GRIA3: variants seen among roughly 807,000 people sequenced by gnomAD.
The protein encoded by GRIA3 is glutamate receptor 3.
A neutral mutation model predicts 63.0 loss-of-function variants in GRIA3; 3 were observed. The observed-to-expected ratio is 0.05, with a 90% CI of 0.02 to 0.12. GRIA3 has a LOEUF of 0.12. GRIA3 is among the 10% of genes least tolerant of loss of function. The pLI is 1.00. For missense variants in GRIA3, 347 were observed against 700.9 expected, an observed-to-expected ratio of 0.50 and a Z score of 5.70; for synonymous variants, 274 against 257.9, an observed-to-expected ratio of 1.06 and a Z score of -0.60.
chrX:123,271,400 G>A (rs1016118792), intron 3 of GRIA3, among the ~76,000 whole-genome samples: 3 of 111,875 alleles, frequency 2.7e-5, no homozygotes, highest in African/African-American at 9.7e-5. Flanking sequence ...TTACTTTACA[G>A]ATTTTAAAAA....
chrX:123,211,533 T>C (rs1254672435), intron 2 of GRIA3, among the ~76,000 whole-genome samples: 1 of 111,736 alleles, frequency 8.9e-6, no homozygotes, highest in East Asian at 2.8e-4. Context: ...GCAAGACACA[T>C]AAAAAAGTAG....
At position 123,437,524 on chromosome X, in the gene GRIA3, G is replaced by A. The variant is rs954888418; in HGVS notation, c.2076+9385G>A. 2.2e-4 allele frequency among the ~76,000 whole-genome samples: 8 copies of A among 36,068 alleles called. No homozygotes were observed. The East Asian group carries it at 2.7e-3, about 12-fold the overall frequency. 31.3% of individuals were successfully genotyped at this position (36,068 alleles called of 115,157 possible). A position where few individuals can be genotyped will look rare whatever the true frequency, so the allele number is the denominator to read the frequency against. ...AAAGTATTCCAAACAGAAGTCATGCGAAGTACAAAGTCCTGGGGCAGAAAC... is the reference window on the plus strand; with the variant it reads ...AAAGTATTCCAAACAGAAGTCATGCAAAGTACAAAGTCCTGGGGCAGAAAC... On this transcript the variant is annotated intron_variant, in intron 12 of 15. Coordinates refer to ENST00000620443, the MANE Select transcript of GRIA3 (RefSeq NM_007325.5).
At chrX:123,345,570 G>T (rs759965417) in intron 4 of GRIA3, among the ~76,000 whole-genome samples, 1 of 110,233 alleles carries the variant, frequency 9.1e-6, no homozygotes, top group African/African-American at 3.3e-5. Context: ...AGAGGATGGC[G>T]CAGGGGAAGG....
At chrX:123,305,109 C>T (rs2044746801) in intron 3 of GRIA3, among the ~76,000 whole-genome samples, 1 of 111,913 alleles carries the variant, frequency 8.9e-6, no homozygotes, top group African/African-American at 3.2e-5. Flanking sequence ...ATACTTCCTC[C>T]CACAAGAAAG....
intron 3 of GRIA3, among the ~76,000 whole-genome samples, chrX:123,323,609 T>G (rs966670396): frequency 4.5e-5 from 5 of 112,121 alleles, no homozygotes; most frequent in Non-Finnish European, 9.4e-5. Flanking sequence ...TAGACAGATG[T>G]GCCTGTTAAG....
At chrX:123,193,660 G>A (rs1358880452) in intron 2 of GRIA3, among the ~76,000 whole-genome samples, 3 of 111,883 alleles carry the variant, frequency 2.7e-5, no homozygotes, top group African/African-American at 9.7e-5. Context: ...AAATTCCCCA[G>A]AAAAATTGCC....
At chrX:123,391,672 C>T (rs952411128) in intron 5 of GRIA3, among the ~76,000 whole-genome samples, 2 of 111,247 alleles carry the variant, frequency 1.8e-5, no homozygotes, top group Non-Finnish European at 3.8e-5. Flanking sequence ...AGTGGTGGGC[C>T]GGATGGGTGG....
intron 14 of GRIA3, 71 bp downstream of exon 14, chrX:123,480,248 A>G: frequency 2.9e-6 from 2 of 680,525 alleles, no homozygotes; most frequent in South Asian, 4.5e-5. Context: ...TTCTACCCTA[A>G]AACGGCTTTC....
At chrX:123,423,341 C>T (rs1323477277) in intron 11 of GRIA3, among the ~76,000 whole-genome samples, 1 of 111,834 alleles carries the variant, frequency 8.9e-6, no homozygotes, top group Admixed American at 9.5e-5. Context: ...TAATAAAAGA[C>T]ATGAAGGGTA....
intron 5 of GRIA3, among the ~76,000 whole-genome samples, chrX:123,390,901 G>T (rs1455522338): frequency 9.1e-6 from 1 of 109,902 alleles, no homozygotes; most frequent in South Asian, 3.8e-4. Flanking sequence ...TATTTCTTCT[G>T]CTTGATCTAG....
chrX:123,353,817 C>A lies in GRIA3; in HGVS notation c.697-1093C>A, dbSNP rs781604517. On this transcript the variant is annotated intron_variant, in intron 4 of 15. Transcript: ENST00000620443. ...GTTGTGTCTTTAACCTCTATGTTAT[C>A]CTGTTCCGTCCATGGGTACTCATTG... Among the ~76,000 whole-genome samples the A allele has an allele frequency of 7.2e-5, 8 of 111,657 alleles. No individual in the cohort carries two copies. The East Asian group carries it at 2.0e-3, about 27-fold the overall frequency.
rs182128098 is a variant in GRIA3, at chrX:123,436,956, A to G, written c.2076+8817A>G. Among the ~76,000 whole-genome samples, 299 of 110,889 alleles carry G rather than the reference A, an allele frequency of 2.7e-3. 1 individual carries two copies. The highest frequency in any genetic ancestry group is 9.6e-3 in the African/African-American group (292 of 30,487). ...CAGTCCTCCTTCATGCAGAAGCCTA[A>G]AAACTTGACCGTAAGGATCAAGTAA... On this transcript the variant is annotated intron_variant, in intron 12 of 15. Coordinates refer to ENST00000620443, the MANE Select transcript of GRIA3 (RefSeq NM_007325.5).
chrX:123,445,236 A>G (rs181029820), intron 12 of GRIA3, among the ~76,000 whole-genome samples: 334 of 111,854 alleles, frequency 3.0e-3, no homozygotes, highest in African/African-American at 9.9e-3. Flanking sequence ...TTGGAGTGCC[A>G]TCATCTCCCA....
intron 2 of GRIA3, among the ~76,000 whole-genome samples, chrX:123,201,213 A>G (rs1364058841): frequency 8.9e-6 from 1 of 112,183 alleles, no homozygotes; most frequent in Non-Finnish European, 1.9e-5. Flanking sequence ...ATGTCCTTGC[A>G]TGAGTTATTT....
At chrX:123,477,035 A>C (rs2045890226) in intron 13 of GRIA3, among the ~76,000 whole-genome samples, 1 of 111,982 alleles carries the variant, frequency 8.9e-6, no homozygotes, top group South Asian at 3.7e-4. Context: ...GGCCTAAGGC[A>C]GGGATAAGCC....
At chrX:123,413,612 C>A (rs888761498) in intron 10 of GRIA3, among the ~76,000 whole-genome samples, 2 of 95,555 alleles carry the variant, frequency 2.1e-5, no homozygotes, top group Non-Finnish European at 2.0e-5. Flanking sequence ...CCTCAGTACC[C>A]TTTTTTACTA....
At chrX:123,362,784 C>T (rs924694659) in intron 5 of GRIA3, among the ~76,000 whole-genome samples, 59 of 111,008 alleles carry the variant, frequency 5.3e-4, no homozygotes, top group African/African-American at 1.9e-3. Context: ...ACTTATGCCA[C>T]GTTGTAATTA....
At chrX:123,280,164 C>T (rs2044577445) in intron 3 of GRIA3, among the ~76,000 whole-genome samples, 1 of 111,694 alleles carries the variant, frequency 9.0e-6, no homozygotes, top group African/African-American at 3.3e-5. Context: ...CCAAATAGGG[C>T]TCCCAGGGCA....
intron 9 of GRIA3, 27 bp downstream of exon 9, chrX:123,403,546 C>A: frequency 2.3e-6 from 2 of 872,390 alleles, no homozygotes; most frequent in Non-Finnish European, 3.4e-6. Flanking sequence ...GGTAGGTGGG[C>A]TTTCTGTCCA....
Sources: allele counts gnomAD v4.1 joint callset (sites outside exome capture counted in the v4.1 genomes callset), GRCh38; gene constraint gnomAD v4.1.1; transcripts MANE v1.5; gene names NCBI Gene and HGNC (gene_info 2026-07-23, HGNC 2026-07-21).